LMX1B: variants seen among roughly 807,000 people sequenced by gnomAD.
LMX1B encodes the protein LIM homeobox transcription factor 1-beta.
LMX1B carries 12 observed loss-of-function variants against 51.4 expected under a neutral mutation model. The observed-to-expected ratio is 0.23, with a 90% CI of 0.15 to 0.38. The LOEUF (loss-of-function observed/expected upper bound fraction) is 0.38. LMX1B is among the 10% of genes least tolerant of loss of function. The probability of loss-of-function intolerance (pLI) is 1.00; values close to 1 mark genes in which losing one functional copy is unlikely to be tolerated. For synonymous variants in LMX1B, 237 were observed against 235.4 expected (o/e 1.01, Z -0.06); for missense variants, 445 against 571.1 (o/e 0.78, Z 2.25).
At chr9:126,637,935 A>T (rs541137290) in intron 2 of LMX1B, among the ~76,000 whole-genome samples, 1 of 150,278 alleles carries the variant, frequency 6.7e-6, no homozygotes, top group East Asian at 2.0e-4. Flanking sequence ...AGGGATGGAC[A>T]CCCAGGGCCC....
At chr9:126,640,906 C>T (rs1835796636) in intron 2 of LMX1B, 1 of 152,228 alleles carries the variant, frequency 6.6e-6, no homozygotes, top group African/African-American at 2.4e-5. Context: ...TCAGAGGGGA[C>T]ACTCGGAGAG....
At position 126,615,415 on chromosome 9, in the gene LMX1B, G is replaced by A. The variant is rs1224028046; in HGVS notation, c.172G>A (p.Gly58Ser). The change falls in exon 2 of 8, where the codon GGC (glycine) becomes AGC (serine). Residue 58 changes from glycine to serine, a missense_variant. Physicochemically the swap from Gly to Ser is moderately conservative, Grantham distance 56. Coordinates refer to ENST00000373474, the MANE Select transcript of LMX1B (RefSeq NM_001174147.2). This position sits in a 1 kb window ranked among gnomAD's most constrained non-coding sequence, Gnocchi z 6.0. ...SDCPHPAVCE[G>S]CQRPISDRFL... is the part of the protein sequence containing the mutation. ...CTGCCCGCATCCCGCCGTCTGCGAG[G>A]GCTGCCAGCGGCCCATCTCCGACCG... 1 of 1,605,958 alleles carries A rather than the reference G, an allele frequency of 6.2e-7. No homozygotes were observed. Among genetic ancestry groups the A allele is most frequent in the Non-Finnish European group, 8.5e-7 (1 of 1,176,780 alleles).
chr9:126,690,885 G>C lies in LMX1B; in HGVS notation c.376G>C (p.Glu126Gln). ...CTGCATGGAGAAGATCGCCCCCACC[G>C]AGTTCGTGATGCGGGCGCTGGAGTG... ...SGCMEKIAPT[E>Q]FVMRALECVY... Residue 126 changes from glutamate (E) to glutamine (Q), a missense_variant, in exon 3 of 8, where the codon GAG (glutamate) becomes CAG (glutamine). This residue lies in a region of LMX1B where 273 missense variants were observed against 343.3 expected (regional missense o/e 0.80). Transcript: ENST00000373474. 1 of 1,613,766 alleles carries C rather than the reference G, an allele frequency of 6.2e-7. No individual in the cohort carries two copies. The highest frequency in any genetic ancestry group is 8.5e-7 in the Non-Finnish European group (1 of 1,179,950).
chr9:126,668,527 C>T (rs547061559), intron 2 of LMX1B, among the ~76,000 whole-genome samples: 15 of 151,938 alleles, frequency 9.9e-5, no homozygotes, highest in Non-Finnish European at 1.9e-4. Context: ...CATCTCAGCT[C>T]ACTGAAACCT....
In LMX1B at chr9:126,677,437, G is replaced by A. The variant is rs150986656; in HGVS notation, c.327-13399G>A. ...ACTGCTATGTCTCCACAAAAAGCCC[G>A]GCACAACAGGTCACTGGCTAGAAGC... On this transcript the variant is annotated intron_variant, in intron 2 of 7. Coordinates refer to ENST00000373474, the MANE Select transcript of LMX1B (RefSeq NM_001174147.2). The surrounding 1 kb of genome is among the most constrained non-coding windows in gnomAD (Gnocchi z 5.0). Among the ~76,000 whole-genome samples the A allele has an allele frequency of 2.6e-5, 4 of 152,270 alleles. No homozygotes were observed. Among genetic ancestry groups the A allele is most frequent in the African/African-American group, 4.8e-5 (2 of 41,550 alleles).
At chr9:126,680,656 C>T (rs1379588099) in intron 2 of LMX1B, among the ~76,000 whole-genome samples, 1 of 152,144 alleles carries the variant, frequency 6.6e-6, no homozygotes, top group African/African-American at 2.4e-5. Context: ...GAGGTTCCTA[C>T]TGCAGACCAG....
At chr9:126,665,882 G>T (rs560181579) in intron 2 of LMX1B, among the ~76,000 whole-genome samples, 6 of 151,772 alleles carry the variant, frequency 4.0e-5, no homozygotes, top group Non-Finnish European at 5.9e-5. Flanking sequence ...CTCCCCGAGG[G>T]CTACACCATT....
intron 2 of LMX1B, among the ~76,000 whole-genome samples, chr9:126,646,122 G>A (rs1421074991): frequency 2.0e-5 from 3 of 152,250 alleles, no homozygotes; most frequent in African/African-American, 4.8e-5. Flanking sequence ...TGTGATTAGG[G>A]GCAGAATATT....
intron 3 of LMX1B, among the ~76,000 whole-genome samples, chr9:126,691,814 G>A (rs1462343116): frequency 6.6e-6 from 1 of 152,228 alleles, no homozygotes; most frequent in Non-Finnish European, 1.5e-5. Flanking sequence ...GCCGAAGGGA[G>A]GGGGCTGGGC....
Position 126,697,837 on chromosome 9 carries a change from C to CTGGTTTTTTTTGTTTTGTTT in LMX1B, c.*1388_*1389insGTTTTTTTTGTTTTGTTTTG, listed in dbSNP as rs1247233178. The stretch of plus-strand genomic sequence containing the variant: ...TGTATATGCAGGATGGGGGCACCTA[C>CTGGTTTTTTTTGTTTTGTTT]TGTTTTGTTTTGTTTTGTTTTGTTT... On this transcript the variant is annotated 3_prime_UTR_variant, in exon 8 of 8. Coordinates refer to ENST00000373474, the MANE Select transcript of LMX1B (RefSeq NM_001174147.2). The CTGGTTTTTTTTGTTTTGTTT allele has an allele frequency of 2.0e-5, 3 of 147,796 alleles. No individual in the cohort carries two copies. Among genetic ancestry groups the CTGGTTTTTTTTGTTTTGTTT allele is most frequent in the African/African-American group, 7.7e-5 (3 of 38,986 alleles). The allele number at this position is 147,796 out of a possible 1,614,324, so 9.2% of individuals were successfully genotyped here. A position where few individuals can be genotyped will look rare whatever the true frequency, so the allele number is the denominator to read the frequency against.
intron 2 of LMX1B, among the ~76,000 whole-genome samples, chr9:126,688,356 C>T (rs757167767): frequency 1.9e-4 from 29 of 152,212 alleles, no homozygotes; most frequent in Admixed American, 7.2e-4. Context: ...GTTTCCTCTC[C>T]GGGAGTCACC....
intron 2 of LMX1B, among the ~76,000 whole-genome samples, chr9:126,659,080 C>T (rs1333821617): frequency 6.6e-6 from 1 of 152,224 alleles, no homozygotes; most frequent in Non-Finnish European, 1.5e-5. Context: ...GACGCTCAGA[C>T]GCACTCACAG....
chr9:126,637,297 TGTGTGTGTGTCA>T (rs1402876471), intron 2 of LMX1B, among the ~76,000 whole-genome samples: 2 of 150,952 alleles, frequency 1.3e-5, no homozygotes, highest in African/African-American at 2.5e-5. Flanking sequence ...CCTGTGTCAG[TGTGTGTGTGTCA>T]GTGTGTGTGT....
intron 2 of LMX1B, among the ~76,000 whole-genome samples, chr9:126,635,286 C>T (rs559871169): frequency 6.6e-6 from 1 of 152,206 alleles, no homozygotes; most frequent in Non-Finnish European, 1.5e-5. Flanking sequence ...AGGGAGCAGG[C>T]CCGGGGCTTA....
At chr9:126,619,115 G>C (rs1228010509) in intron 2 of LMX1B, among the ~76,000 whole-genome samples, 1 of 152,212 alleles carries the variant, frequency 6.6e-6, no homozygotes, top group African/African-American at 2.4e-5. Flanking sequence ...GGGGAGCATC[G>C]AGGCTTTGAT....
chr9:126,678,297 G>A (rs1356313334), intron 2 of LMX1B, among the ~76,000 whole-genome samples: 3 of 144,636 alleles, frequency 2.1e-5, no homozygotes, highest in African/African-American at 5.3e-5. Context: ...GCGACAGAGC[G>A]AGACTTCGTC....
At chr9:126,664,210 G>A (rs894433316) in intron 2 of LMX1B, among the ~76,000 whole-genome samples, 38 of 152,134 alleles carry the variant, frequency 2.5e-4, no homozygotes, top group Admixed American at 4.6e-4. Context: ...CTGTAAAGGG[G>A]AGCCGCGCCA....
Position 126,614,465 on chromosome 9 carries a change from G to A in LMX1B, c.16G>A (p.Gly6Ser). 6.4e-7 allele frequency: 1 copy of A among 1,574,146 alleles called. No individual in the cohort carries two copies. Among genetic ancestry groups the A allele is most frequent in the East Asian group, 2.4e-5 (1 of 42,494 alleles). MDIAT[G>S]PESLERCFPR... ...CCCGCGTCCCATGGATATAGCAACA[G>A]GTCCCGAGTCGCTGGAGAGGTGCTT... is the stretch of plus-strand genomic sequence containing the variant. The change falls in exon 1 of 8, where the codon GGT becomes AGT. Residue 6 changes from glycine (G) to serine (S), a missense_variant. Physicochemically the swap from Gly to Ser is moderately conservative, Grantham distance 56. This residue lies in a region of LMX1B where 273 missense variants were observed against 343.3 expected (regional missense o/e 0.80). Transcript: ENST00000373474.
chr9:126,644,881 C>T (rs1336507093), intron 2 of LMX1B, among the ~76,000 whole-genome samples: 1 of 152,200 alleles, frequency 6.6e-6, no homozygotes, highest in Non-Finnish European at 1.5e-5. Flanking sequence ...AAGACAGGCC[C>T]TTTCAGCAAT....
Sources: allele counts gnomAD v4.1 joint callset (sites outside exome capture counted in the v4.1 genomes callset), GRCh38; gene constraint gnomAD v4.1.1; regional missense constraint gnomAD v4.1.1; non-coding constraint Gnocchi (gnomAD v3.1); transcripts MANE v1.5; gene names NCBI Gene and HGNC (gene_info 2026-07-23, HGNC 2026-07-21).